EIF2B3: variants seen among roughly 807,000 people sequenced by gnomAD.
EIF2B3 encodes eukaryotic translation initiation factor 2B subunit gamma, also known as translation initiation factor eIF2B subunit gamma.
In EIF2B3, 20 loss-of-function variants were observed where a neutral mutation model predicts 54.1. That is an observed-to-expected ratio of 0.37 (90% CI 0.26 to 0.54). EIF2B3 has a LOEUF of 0.54. Among genes scored for constraint, EIF2B3 ranks in the 20% least tolerant of loss-of-function variants. The probability of loss-of-function intolerance (pLI) is 0.86; values close to 1 mark genes in which losing one functional copy is unlikely to be tolerated. For synonymous variants in EIF2B3, 153 were observed against 188.1 expected (o/e 0.81, Z 1.52); for missense variants, 448 against 547.8 (o/e 0.82, Z 1.82).
At chr1:44,936,984 A>G (rs1643954897) in intron 4 of EIF2B3, among the ~76,000 whole-genome samples, 1 of 152,208 alleles carries the variant, frequency 6.6e-6, no homozygotes, top group Admixed American at 6.5e-5. Context: ...AAAATCCCAC[A>G]GCTTTTGAGC....
chr1:44,903,746 T>C (rs1557678617), intron 5 of EIF2B3, among the ~76,000 whole-genome samples: 1 of 152,226 alleles, frequency 6.6e-6, no homozygotes, highest in Non-Finnish European at 1.5e-5. Context: ...AGTCCACAGT[T>C]ACTCAGTGAG....
intron 5 of EIF2B3, among the ~76,000 whole-genome samples, chr1:44,913,876 G>C (rs1442553733): frequency 6.9e-6 from 1 of 145,258 alleles, no homozygotes; most frequent in Non-Finnish European, 1.5e-5. Context: ...GTCCAAGCTG[G>C]AGTGCAATGG....
At chr1:44,904,228 C>T (rs576625560) in intron 5 of EIF2B3, among the ~76,000 whole-genome samples, 17 of 152,202 alleles carry the variant, frequency 1.1e-4, no homozygotes, top group African/African-American at 3.6e-4. Context: ...TGAAGAAAAC[C>T]CAGTTGCACA....
chr1:44,902,829 TAAAAAAAAAAAAAA>T (rs11458839), intron 5 of EIF2B3, among the ~76,000 whole-genome samples: 1 of 85,456 alleles, frequency 1.2e-5, no homozygotes, highest in Non-Finnish European at 2.3e-5. Flanking sequence ...ACTCTTTCTT[TAAAAAAAAAAAAAA>T]AAAAAAAAAA....
chr1:44,937,151 T>C (rs1432058514), intron 4 of EIF2B3: 2 of 152,234 alleles, frequency 1.3e-5, no homozygotes, highest in South Asian at 2.1e-4. Flanking sequence ...CTAAAAGCAT[T>C]ACAAGCTCAC....
At chr1:44,972,941 T>G (rs1644417459) in intron 3 of EIF2B3, among the ~76,000 whole-genome samples, 1 of 152,118 alleles carries the variant, frequency 6.6e-6, no homozygotes, top group Admixed American at 6.6e-5. Context: ...CTCAGGAGGC[T>G]GAGATAGGAG....
At chr1:44,923,775 T>C (rs1294603211) in intron 5 of EIF2B3, among the ~76,000 whole-genome samples, 1 of 151,558 alleles carries the variant, frequency 6.6e-6, no homozygotes, top group Non-Finnish European at 1.5e-5. Flanking sequence ...CTCCCTTCCT[T>C]CCTCCCTCCC....
chr1:44,941,686 A>G (rs1644024586), intron 3 of EIF2B3, 21 bp from the exon 4 acceptor site: 13 of 1,614,006 alleles, frequency 8.1e-6, no homozygotes, highest in Non-Finnish European at 1.1e-5. Flanking sequence ...GAGATGGGAA[A>G]AGTCAATATC....
At chr1:44,910,808 G>C (rs2148922159) in intron 5 of EIF2B3, among the ~76,000 whole-genome samples, 1 of 151,824 alleles carries the variant, frequency 6.6e-6, no homozygotes, top group Non-Finnish European at 1.5e-5. Context: ...AAACTGATGG[G>C]ATGTACATTC....
intron 5 of EIF2B3, among the ~76,000 whole-genome samples, chr1:44,901,552 T>C (rs1256998847): frequency 1.2e-5 from 1 of 84,048 alleles, no homozygotes; most frequent in Non-Finnish European, 2.3e-5. Flanking sequence ...GGCCTGGCCT[T>C]TTTTTTTTTT....
At chr1:44,895,615 T>A (rs1376460485) in intron 6 of EIF2B3, among the ~76,000 whole-genome samples, 1 of 152,106 alleles carries the variant, frequency 6.6e-6, no homozygotes, top group Non-Finnish European at 1.5e-5. Context: ...TAACTATACA[T>A]GCTGAAATAT....
At chr1:44,963,024 T>G (rs980633508) in intron 3 of EIF2B3, among the ~76,000 whole-genome samples, 4 of 151,852 alleles carry the variant, frequency 2.6e-5, no homozygotes. Flanking sequence ...GCCCAGGAGT[T>G]CGAGCCTGGG....
At chr1:44,903,194 A>G (rs1273012578) in intron 5 of EIF2B3, among the ~76,000 whole-genome samples, 1 of 152,250 alleles carries the variant, frequency 6.6e-6, no homozygotes, top group Non-Finnish European at 1.5e-5. Flanking sequence ...GGAATAAAAA[A>G]AGCAGTTCTG....
At chr1:44,985,052 C>T (rs1644558112) in intron 1 of EIF2B3, among the ~76,000 whole-genome samples, 2 of 151,212 alleles carry the variant, frequency 1.3e-5, no homozygotes, top group East Asian at 3.9e-4. Context: ...ATGATCCACC[C>T]GCCTCGGCCT....
intron 3 of EIF2B3, among the ~76,000 whole-genome samples, chr1:44,942,404 T>TACACACATATATATATACATATATATAC (rs1557696959): frequency 4.6e-5 from 1 of 21,948 alleles, no homozygotes; most frequent in African/African-American, 2.6e-4. Flanking sequence ...TATATATATA[T>TACACACATATATATATACATATATATAC]ATATATATAT....
At position 44,982,423 on chromosome 1, in the gene EIF2B3, C is replaced by T. The variant is rs1288498372; in HGVS notation, c.-9-1246G>A. ...AAGCGATTCTCCTGCCTCAGCCTCCCGAGTAGCTGGGATCACAGGCATGGG... is the reference window on the plus strand; with the variant it reads ...AAGCGATTCTCCTGCCTCAGCCTCCTGAGTAGCTGGGATCACAGGCATGGG... On this transcript the variant is annotated intron_variant, in intron 1 of 11. Coordinates refer to ENST00000360403, the MANE Select transcript of EIF2B3 (RefSeq NM_020365.5). 2.6e-5 allele frequency among the ~76,000 whole-genome samples: 4 copies of T among 152,066 alleles called. No homozygotes were observed. The East Asian group carries it at 7.7e-4, about 29-fold the overall frequency.
chr1:44,857,987 A>G (rs777042121), intron 10 of EIF2B3, among the ~76,000 whole-genome samples, 180 bp from the exon 11 acceptor site: 11 of 152,142 alleles, frequency 7.2e-5, no homozygotes, highest in Non-Finnish European at 1.6e-4. Flanking sequence ...ACCTGGCTTC[A>G]GAGAAATCCA....
intron 3 of EIF2B3, chr1:44,958,498 A>G: frequency 1.1e-6 from 1 of 939,912 alleles, no homozygotes; most frequent in Non-Finnish European, 1.6e-6. Flanking sequence ...ACAGTAGATG[A>G]TTACTGCGTT....
chr1:44,918,028 C>T (rs182253887), intron 5 of EIF2B3, among the ~76,000 whole-genome samples: 2 of 149,700 alleles, frequency 1.3e-5, no homozygotes, highest in African/African-American at 4.9e-5. Context: ...CCGCCTCGGC[C>T]TCCCAAAGTG....
Sources: allele counts gnomAD v4.1 joint callset (sites outside exome capture counted in the v4.1 genomes callset), GRCh38; gene constraint gnomAD v4.1.1; transcripts MANE v1.5; gene names NCBI Gene and HGNC (gene_info 2026-07-23, HGNC 2026-07-21).